The following PLCXD2 variants were observed in gnomAD, a reference collection of about 807,000 sequenced individuals.
PLCXD2 encodes the protein phosphatidylinositol specific phospholipase C X domain containing 2, also known as PI-PLC X domain-containing protein 2.
PLCXD2 carries 21 observed loss-of-function variants against 28.6 expected under a neutral mutation model. The observed-to-expected ratio is 0.73, with a 90% CI of 0.52 to 1.06. The LOEUF (loss-of-function observed/expected upper bound fraction) is 1.06, where lower values mean the gene tolerates loss of function less well. PLCXD2 is among the 50% of genes least tolerant of loss of function. The pLI is 0.00. For missense variants in PLCXD2, 369 were observed against 376.7 expected (o/e 0.98, Z 0.17); for synonymous variants, 140 against 150.1 (o/e 0.93, Z 0.49).
intron 3 of PLCXD2, among the ~76,000 whole-genome samples, chr3:111,717,513 A>T (rs1489679800): frequency 6.6e-6 from 1 of 152,130 alleles, no homozygotes; most frequent in Non-Finnish European, 1.5e-5. Context: ...CTTCGTACTT[A>T]ATCCTAATTA....
At chr3:111,685,099 G>A (rs1940774629) in intron 1 of PLCXD2, among the ~76,000 whole-genome samples, 3 of 152,030 alleles carry the variant, frequency 2.0e-5, no homozygotes, top group Non-Finnish European at 2.9e-5. Flanking sequence ...TTGGGAGAAG[G>A]GCACAGGTGG....
Position 111,708,345 on chromosome 3 carries a change from G to C in PLCXD2, c.583G>C (p.Glu195Gln), listed in dbSNP as rs1047909737. The C allele has an allele frequency of 6.2e-7, 1 of 1,614,024 alleles. No individual in the cohort carries two copies. Among genetic ancestry groups the C allele is most frequent in the African/African-American group, 1.3e-5 (1 of 74,916 alleles). Residue 195 changes from glutamate to glutamine, a missense_variant, in exon 2 of 5, where the codon GAA (glutamate) becomes CAA (glutamine). By Grantham distance (29) the Glu-to-Gln change is conservative. Coordinates refer to ENST00000477665, the MANE Select transcript of PLCXD2 (RefSeq NM_001185106.1). ...CAAGCTGTGCCCAGCCTGCAGTGTG[G>C]AAAGTTTGACGCTGCGAACTCTGTG... is the stretch of plus-strand genomic sequence containing the variant.
chr3:111,686,333 A>G (rs780934109), intron 1 of PLCXD2, among the ~76,000 whole-genome samples: 2 of 152,216 alleles, frequency 1.3e-5, no homozygotes, highest in Admixed American at 6.5e-5. Flanking sequence ...AAGTTGATCA[A>G]CATCCTCTGC....
At chr3:111,685,829 G>A (rs1370626676) in intron 1 of PLCXD2, among the ~76,000 whole-genome samples, 1 of 152,188 alleles carries the variant, frequency 6.6e-6, no homozygotes. Flanking sequence ...TTGGAGTAGG[G>A]ATTGGGGTCT....
intron 1 of PLCXD2, among the ~76,000 whole-genome samples, chr3:111,698,343 C>A (rs1296713111): frequency 1.3e-5 from 2 of 152,148 alleles, no homozygotes; most frequent in Non-Finnish European, 1.5e-5. Context: ...GCAGTAGAGC[C>A]AGGATTATGA....
chr3:111,725,226 TG>T (rs1400723682), intron 3 of PLCXD2: 1 of 163,764 alleles, frequency 6.1e-6, no homozygotes, highest in Admixed American at 6.4e-5. Flanking sequence ...TGAATAGAAA[TG>T]ATAGCATCAA....
At position 111,675,305 on chromosome 3, in the gene PLCXD2, C is replaced by A; in HGVS notation, c.60C>A (p.Asn20Lys). The A allele has an allele frequency of 6.2e-7, 1 of 1,614,150 alleles. No homozygotes were observed. Among genetic ancestry groups the A allele is most frequent in the South Asian group, 1.1e-5 (1 of 91,076 alleles). Residue 20 changes from asparagine (N) to lysine (K), a missense_variant, in exon 1 of 5, where the codon AAC becomes AAA. Coordinates refer to ENST00000477665, the MANE Select transcript of PLCXD2 (RefSeq NM_001185106.1). ...GGATGGGGACCATCTGCTCCCCCAA[C>A]CCCAGCGGGACAAAGACATCATCGG...
At chr3:111,692,128 G>A (rs1020544957) in intron 1 of PLCXD2, among the ~76,000 whole-genome samples, 1 of 152,146 alleles carries the variant, frequency 6.6e-6, no homozygotes, top group African/African-American at 2.4e-5. Context: ...TGCAAGCTCC[G>A]CCTCCCGGGT....
intron 1 of PLCXD2, among the ~76,000 whole-genome samples, chr3:111,698,642 G>A (rs1940996412): frequency 6.6e-6 from 1 of 152,188 alleles, no homozygotes; most frequent in South Asian, 2.1e-4. Flanking sequence ...TAGAGACAGG[G>A]GATGGGAATA....
chr3:111,683,793 C>T (rs777069065), intron 1 of PLCXD2, among the ~76,000 whole-genome samples: 3 of 152,004 alleles, frequency 2.0e-5, no homozygotes, highest in Non-Finnish European at 4.4e-5. Flanking sequence ...GGCATCTTAA[C>T]AAGACTAGGG....
chr3:111,725,600 A>T (rs1941405815), intron 3 of PLCXD2: 3 of 398,396 alleles, frequency 7.5e-6, no homozygotes, highest in Non-Finnish European at 8.8e-6. Context: ...AATGCGATTG[A>T]TTTTCTCAAA....
chr3:111,716,343 G>A (rs991548515), intron 3 of PLCXD2, among the ~76,000 whole-genome samples: 1 of 152,142 alleles, frequency 6.6e-6, no homozygotes, highest in African/African-American at 2.4e-5. Flanking sequence ...CTGGTGGTCA[G>A]CTCAAACCAA....
intron 3 of PLCXD2, among the ~76,000 whole-genome samples, chr3:111,717,512 T>A (rs1195246533): frequency 6.6e-6 from 1 of 152,140 alleles, no homozygotes; most frequent in Non-Finnish European, 1.5e-5. Context: ...TCTTCGTACT[T>A]AATCCTAATT....
intron 1 of PLCXD2, among the ~76,000 whole-genome samples, chr3:111,702,172 C>T (rs545409697): frequency 1.3e-5 from 2 of 151,880 alleles, no homozygotes; most frequent in Non-Finnish European, 2.9e-5. Flanking sequence ...ACAATAAAGA[C>T]GAGTCAAAAA....
chr3:111,718,333 C>T (rs981210378), intron 3 of PLCXD2, among the ~76,000 whole-genome samples: 28 of 151,934 alleles, frequency 1.8e-4, no homozygotes, highest in Non-Finnish European at 4.4e-5. Flanking sequence ...GGCGTGGTGG[C>T]GGGCGCCTGT....
chr3:111,683,888 G>C (rs1352891176), intron 1 of PLCXD2, among the ~76,000 whole-genome samples: 1 of 152,112 alleles, frequency 6.6e-6, no homozygotes, highest in Non-Finnish European at 1.5e-5. Context: ...ACACAGTAAG[G>C]ATGCTCTAGA....
intron 1 of PLCXD2, among the ~76,000 whole-genome samples, chr3:111,687,437 T>C (rs1267799230): frequency 6.6e-6 from 1 of 152,234 alleles, no homozygotes; most frequent in Non-Finnish European, 1.5e-5. Context: ...CTATATTCAA[T>C]GACCATAAGG....
chr3:111,704,122 C>G (rs1941084181), intron 1 of PLCXD2, among the ~76,000 whole-genome samples: 1 of 151,910 alleles, frequency 6.6e-6, no homozygotes, highest in Non-Finnish European at 1.5e-5. Flanking sequence ...TGTGAAATAC[C>G]TACGCTAAAA....
intron 3 of PLCXD2, among the ~76,000 whole-genome samples, chr3:111,714,397 C>T (rs1028372470): frequency 3.3e-5 from 5 of 152,174 alleles, no homozygotes; most frequent in Admixed American, 2.6e-4. Context: ...TGAGCCAACA[C>T]CATGTCTGTT....
Sources: gnomAD v4.1 joint callset for allele counts (sites outside exome capture counted in the v4.1 genomes callset) on GRCh38, gnomAD v4.1.1 for gene constraint, MANE v1.5 for transcripts, NCBI Gene and HGNC (gene_info 2026-07-23, HGNC 2026-07-21) for gene names.